TOX: variants seen among roughly 807,000 people sequenced by gnomAD.
TOX encodes the protein thymocyte selection associated high mobility group box, also known as thymocyte selection-associated high mobility group box protein TOX.
A neutral mutation model predicts 53.7 loss-of-function variants in TOX; 11 were observed. The ratio of observed to expected loss-of-function variants is 0.20; its 90% CI spans 0.13 to 0.34. TOX has a LOEUF of 0.34. Among genes scored for constraint, TOX ranks in the 10% least tolerant of loss-of-function variants. The probability of loss-of-function intolerance (pLI) is 1.00; values close to 1 mark genes in which losing one functional copy is unlikely to be tolerated. For synonymous variants in TOX, 225 were observed against 245.3 expected (o/e 0.92, Z 0.77); for missense variants, 570 against 664.6 (o/e 0.86, Z 1.56).
intron 1 of TOX, among the ~76,000 whole-genome samples, chr8:59,001,969 CTTTTTTTTTTT>C (rs1182278313): frequency 8.7e-6 from 1 of 114,636 alleles, no homozygotes; most frequent in Non-Finnish European, 1.7e-5. Context: ...TACAGAAGTA[CTTTTTTTTTTT>C]TTTTTTTTTT....
At chr8:59,052,647 A>AT (rs1401213410) in intron 1 of TOX, among the ~76,000 whole-genome samples, 1 of 152,232 alleles carries the variant, frequency 6.6e-6, no homozygotes, top group Non-Finnish European at 1.5e-5. Flanking sequence ...ATGAGGCAAC[A>AT]TAAGAGTTCA....
At chr8:58,840,216 T>G (rs911617965) in intron 4 of TOX, among the ~76,000 whole-genome samples, 1 of 152,120 alleles carries the variant, frequency 6.6e-6, no homozygotes, top group Non-Finnish European at 1.5e-5. Flanking sequence ...GAGAAACCTA[T>G]TAAAAAGAAT....
chr8:58,809,149 T>C (rs1810037409), intron 7 of TOX, among the ~76,000 whole-genome samples: 1 of 152,226 alleles, frequency 6.6e-6, no homozygotes, highest in Non-Finnish European at 1.5e-5. Flanking sequence ...TAAGCAAGTT[T>C]TTCTGGAAAT....
At chr8:59,042,338 A>T (rs80120936) in intron 1 of TOX, among the ~76,000 whole-genome samples, 3,338 of 152,310 alleles carry the variant, frequency 0.022, 88 homozygotes, top group South Asian at 0.089. Context: ...TCAGAACGCC[A>T]TTTCAGAGCT....
chr8:58,973,045 CA>C (rs996008174), intron 1 of TOX, among the ~76,000 whole-genome samples: 2 of 152,152 alleles, frequency 1.3e-5, no homozygotes, highest in Non-Finnish European at 2.9e-5. Flanking sequence ...GGAAACTAAA[CA>C]TTAGAACAAG....
intron 1 of TOX, among the ~76,000 whole-genome samples, chr8:58,965,996 A>G (rs151012183): frequency 7.1e-6 from 1 of 140,932 alleles, no homozygotes; most frequent in East Asian, 2.2e-4. Flanking sequence ...TTTGAAAGTT[A>G]AGCATCAAAT....
At chr8:59,113,284 A>C (rs1805050697) in intron 1 of TOX, among the ~76,000 whole-genome samples, 1 of 152,202 alleles carries the variant, frequency 6.6e-6, no homozygotes, top group African/African-American at 2.4e-5. Flanking sequence ...TACACTGCAT[A>C]AAATGGTAGG....
At chr8:58,970,684 T>C (rs1248948565) in intron 1 of TOX, among the ~76,000 whole-genome samples, 4 of 152,222 alleles carry the variant, frequency 2.6e-5, no homozygotes, top group Non-Finnish European at 4.4e-5. Context: ...TATTGAACTA[T>C]GAGCATTTTG....
intron 3 of TOX, among the ~76,000 whole-genome samples, chr8:58,873,956 AGC>A (rs1811238670): frequency 5.4e-5 from 3 of 55,868 alleles, no homozygotes; most frequent in African/African-American, 2.2e-4. Flanking sequence ...AATGCCAGGA[AGC>A]TTTTTTTTTT....
intron 3 of TOX, among the ~76,000 whole-genome samples, chr8:58,886,370 T>C (rs1167576292): frequency 2.0e-5 from 3 of 152,114 alleles, no homozygotes; most frequent in Non-Finnish European, 4.4e-5. Context: ...GTTTCCCAAA[T>C]TTTCTGAAAG....
intron 1 of TOX, among the ~76,000 whole-genome samples, chr8:59,009,030 T>C (rs1383574893): frequency 2.0e-5 from 3 of 152,008 alleles, no homozygotes; most frequent in Non-Finnish European, 4.4e-5. Flanking sequence ...TCATTCCTTC[T>C]TTTCCTCCCT....
At chr8:59,089,154 A>T (rs1033275089) in intron 1 of TOX, among the ~76,000 whole-genome samples, 1 of 152,242 alleles carries the variant, frequency 6.6e-6, no homozygotes, top group Non-Finnish European at 1.5e-5. Context: ...TAGACCTAGC[A>T]TATTTGTTTC....
chr8:59,049,328 TC>T (rs1449327312), intron 1 of TOX, among the ~76,000 whole-genome samples: 15 of 152,182 alleles, frequency 9.9e-5, no homozygotes, highest in African/African-American at 2.9e-4. Context: ...CAATAAACTC[TC>T]CTCTTCGTTG....
intron 5 of TOX, among the ~76,000 whole-genome samples, chr8:58,835,044 A>G (rs1219172033): frequency 6.6e-6 from 1 of 152,188 alleles, no homozygotes; most frequent in African/African-American, 2.4e-5. Context: ...GTAAGATAAA[A>G]AAATTTATTT....
At chr8:58,845,889 A>C (rs1454696452) in intron 4 of TOX, among the ~76,000 whole-genome samples, 2 of 152,084 alleles carry the variant, frequency 1.3e-5, no homozygotes, top group Non-Finnish European at 2.9e-5. Context: ...TAGGAGATCC[A>C]CTTGATCTTT....
intron 1 of TOX, among the ~76,000 whole-genome samples, chr8:59,053,233 CT>C (rs533524459): frequency 5.3e-4 from 81 of 152,276 alleles, no homozygotes; most frequent in African/African-American, 1.9e-3. Flanking sequence ...ACTATTTTGA[CT>C]CCCCAAATTG....
intron 1 of TOX, among the ~76,000 whole-genome samples, chr8:58,993,505 A>G (rs1180923195): frequency 2.6e-5 from 4 of 152,252 alleles, no homozygotes; most frequent in East Asian, 1.9e-4. Flanking sequence ...TCTCATCTAC[A>G]TGGTACAGGA....
chr8:58,847,763 G>T (rs2129167820), intron 4 of TOX, among the ~76,000 whole-genome samples: 1 of 152,236 alleles, frequency 6.6e-6, no homozygotes, highest in Non-Finnish European at 1.5e-5. Flanking sequence ...AGAGAGTAAA[G>T]TCAGGTTACT....
At chr8:58,989,175 G>C (rs965915311) in intron 1 of TOX, among the ~76,000 whole-genome samples, 2 of 152,094 alleles carry the variant, frequency 1.3e-5, no homozygotes, top group African/African-American at 4.8e-5. Context: ...AATCAGCCGG[G>C]TGTGGTGGCA....
Sources: allele counts gnomAD v4.1 joint callset (sites outside exome capture counted in the v4.1 genomes callset), GRCh38; gene constraint gnomAD v4.1.1; transcripts MANE v1.5; gene names NCBI Gene and HGNC (gene_info 2026-07-23, HGNC 2026-07-21).